Variants in UBE2G1 observed in about 807,000 individuals in gnomAD.
UBE2G1 encodes the protein ubiquitin-conjugating enzyme E2 G1.
Under a neutral mutation model 22.7 loss-of-function variants are expected in UBE2G1, and 5 were observed. The ratio of observed to expected loss-of-function variants is 0.22; its 90% CI spans 0.12 to 0.46. The LOEUF is 0.46. Among genes scored for constraint, UBE2G1 ranks in the 20% least tolerant of loss-of-function variants. The pLI is 0.99. For synonymous variants in UBE2G1, 74 were observed against 67.5 expected, an observed-to-expected ratio of 1.10 and a Z score of -0.47; for missense variants, 88 against 203.9, an observed-to-expected ratio of 0.43 and a Z score of 3.46.
chr17:4,359,452 G>C (rs953531156), intron 1 of UBE2G1, among the ~76,000 whole-genome samples: 2 of 152,158 alleles, frequency 1.3e-5, no homozygotes, highest in African/African-American at 2.4e-5. Context: ...TTAACTTGTT[G>C]CAAATCTAGA....
intron 1 of UBE2G1, among the ~76,000 whole-genome samples, chr17:4,320,696 T>C (rs1041684681): frequency 1.3e-5 from 2 of 152,204 alleles, no homozygotes; most frequent in African/African-American, 4.8e-5. Flanking sequence ...CATTAGACAC[T>C]ACCTTCTTGC....
chr17:4,301,854 T>G (rs944523023), intron 2 of UBE2G1: 2 of 504,558 alleles, frequency 4.0e-6, no homozygotes, highest in African/African-American at 3.9e-5. Flanking sequence ...ACGGTAAACA[T>G]GAACTTCGTG....
intron 4 of UBE2G1, among the ~76,000 whole-genome samples, chr17:4,284,831 TTTCTTTC>T (rs1968941230): frequency 4.3e-4 from 39 of 90,566 alleles, no homozygotes; most frequent in African/African-American, 1.5e-3. Flanking sequence ...TTTCTTTTCT[TTTCTTTC>T]TTTTTTTTTT....
At chr17:4,365,424 C>A (rs944220403) in intron 1 of UBE2G1, among the ~76,000 whole-genome samples, 4 of 152,226 alleles carry the variant, frequency 2.6e-5, no homozygotes, top group Non-Finnish European at 4.4e-5. Context: ...AAGCCGCAAA[C>A]GGCCGGAGGC....
At chr17:4,302,979 G>C (rs915034539) in intron 2 of UBE2G1, among the ~76,000 whole-genome samples, 2 of 152,086 alleles carry the variant, frequency 1.3e-5, no homozygotes, top group African/African-American at 4.8e-5. Context: ...GAAAAGAACA[G>C]TGAAAACAGA....
At chr17:4,356,404 G>A (rs1356169565) in intron 1 of UBE2G1, among the ~76,000 whole-genome samples, 1 of 152,024 alleles carries the variant, frequency 6.6e-6, no homozygotes, top group South Asian at 2.1e-4. Context: ...TGTTTACATA[G>A]TGCTACTAAA....
chr17:4,333,378 T>C (rs1189048874), intron 1 of UBE2G1, among the ~76,000 whole-genome samples: 2 of 152,048 alleles, frequency 1.3e-5, no homozygotes, highest in African/African-American at 2.4e-5. Flanking sequence ...AGCTAAAATA[T>C]GTAAAATGTA....
chr17:4,304,044 G>T (rs1969220936), intron 2 of UBE2G1, among the ~76,000 whole-genome samples: 1 of 152,172 alleles, frequency 6.6e-6, no homozygotes, highest in African/African-American at 2.4e-5. Context: ...GTTTGTTTAA[G>T]ACAGGGTCTA....
intron 1 of UBE2G1, 125 bp downstream of exon 1, chr17:4,366,146 T>A: frequency 9.9e-7 from 1 of 1,008,566 alleles, no homozygotes; most frequent in Non-Finnish European, 1.3e-6. Flanking sequence ...AGCCTCGAGG[T>A]CCCCACCCTC....
intron 1 of UBE2G1, among the ~76,000 whole-genome samples, chr17:4,341,273 A>C (rs1332012259): frequency 5.9e-5 from 9 of 152,122 alleles, no homozygotes; most frequent in African/African-American, 2.2e-4. Flanking sequence ...TAAACTTAAT[A>C]CTCACAAAAA....
chr17:4,355,803 C>T (rs1384539615), intron 1 of UBE2G1, among the ~76,000 whole-genome samples: 16 of 144,808 alleles, frequency 1.1e-4, no homozygotes, highest in African/African-American at 3.9e-4. Context: ...CGGGTTCAAG[C>T]GATTCTCCCG....
At chr17:4,326,590 T>C (rs1001573231) in intron 1 of UBE2G1, among the ~76,000 whole-genome samples, 11 of 152,210 alleles carry the variant, frequency 7.2e-5, no homozygotes, top group African/African-American at 1.9e-4. Context: ...TGGTTATATA[T>C]GCAAAAGAAT....
intron 1 of UBE2G1, among the ~76,000 whole-genome samples, chr17:4,353,673 C>T (rs1406313321): frequency 1.3e-5 from 2 of 151,754 alleles, no homozygotes; most frequent in African/African-American, 2.4e-5. Context: ...CCACCACACC[C>T]GGCTAATTTT....
At chr17:4,295,369 G>A (rs1234979847) in intron 3 of UBE2G1, among the ~76,000 whole-genome samples, 1 of 152,118 alleles carries the variant, frequency 6.6e-6, no homozygotes, top group Non-Finnish European at 1.5e-5. Context: ...AATAAAATAC[G>A]CTAAGTCCCT....
At chr17:4,307,384 T>C (rs1054720135) in intron 1 of UBE2G1, among the ~76,000 whole-genome samples, 1 of 152,134 alleles carries the variant, frequency 6.6e-6, no homozygotes, top group African/African-American at 2.4e-5. Context: ...GGCCCTACAG[T>C]GGTCTTTTAA....
At chr17:4,336,731 T>C (rs1303269835) in intron 1 of UBE2G1, among the ~76,000 whole-genome samples, 1 of 152,122 alleles carries the variant, frequency 6.6e-6, no homozygotes, top group Non-Finnish European at 1.5e-5. Flanking sequence ...TTCATCATTT[T>C]GGCCAGGCTG....
intron 1 of UBE2G1, 136 bp downstream of exon 1, chr17:4,366,135 G>A: frequency 1.1e-6 from 1 of 896,380 alleles, no homozygotes; most frequent in South Asian, 2.3e-5. Context: ...GCCGGGACCG[G>A]AGCCTCGAGG....
In UBE2G1 at chr17:4,272,468, AGGTG is replaced by A. The variant is rs1455724628; in HGVS notation, c.*82_*85del. The stretch of plus-strand genomic sequence containing the variant: ...ACTTGTACAACAGAAGTCCAGCAAT[AGGTG>A]GGTAGAGTGCAGGAAAAACAGTGCC... On this transcript the variant is annotated 3_prime_UTR_variant, in exon 6 of 6. Transcript: ENST00000396981. 5.4e-6 allele frequency: 1 copy of A among 186,736 alleles called. No homozygotes were observed. The highest frequency in any genetic ancestry group is 2.4e-5 in the African/African-American group (1 of 41,596). The allele number at this position is 186,736 out of a possible 1,614,324, so 11.6% of individuals were successfully genotyped here.
chr17:4,348,327 G>A (rs1457943533), intron 1 of UBE2G1, among the ~76,000 whole-genome samples: 9 of 151,784 alleles, frequency 5.9e-5, no homozygotes, highest in African/African-American at 2.2e-4. Context: ...GCCGAGGCGG[G>A]CGGATCACGA....
Sources: allele counts gnomAD v4.1 joint callset (sites outside exome capture counted in the v4.1 genomes callset), GRCh38; gene constraint gnomAD v4.1.1; transcripts MANE v1.5; gene names NCBI Gene and HGNC (gene_info 2026-07-23, HGNC 2026-07-21).